The following TRIQK variants were observed in gnomAD, a reference collection of about 807,000 sequenced individuals.
The protein encoded by TRIQK is triple QxxK/R motif containing.
A neutral mutation model predicts 10.8 loss-of-function variants in TRIQK; 10 were observed. The observed-to-expected ratio is 0.92, with a 90% CI of 0.57 to 1.57. The LOEUF is 1.57. Ranked by LOEUF, TRIQK falls within the 40% of genes most tolerant of loss-of-function variation. TRIQK has a pLI of 0.00. For missense variants in TRIQK, 107 were observed against 97.7 expected, an observed-to-expected ratio of 1.09 and a Z score of -0.40; for synonymous variants, 33 against 33.7, an observed-to-expected ratio of 0.98 and a Z score of 0.07.
chr8:92,935,338 A>T (rs1810932489), intron 2 of TRIQK, among the ~76,000 whole-genome samples: 1 of 151,802 alleles, frequency 6.6e-6, no homozygotes, highest in East Asian at 1.9e-4. Flanking sequence ...AATGTTTAGA[A>T]ATTATTGCTA....
chr8:92,973,577 T>C (rs1812898350), intron 1 of TRIQK: 1 of 152,194 alleles, frequency 6.6e-6, no homozygotes, highest in South Asian at 2.1e-4. Context: ...TGCACTGATA[T>C]CATTTCACTA....
chr8:93,011,205 C>CACACATATATAT (rs769949767), intron 1 of TRIQK, among the ~76,000 whole-genome samples: 1 of 121,520 alleles, frequency 8.2e-6, no homozygotes, highest in African/African-American at 2.9e-5. Context: ...CACACACACA[C>CACACATATATAT]ATATATATAT....
chr8:92,977,135 A>AG (rs1449307770), intron 1 of TRIQK, among the ~76,000 whole-genome samples: 2 of 152,020 alleles, frequency 1.3e-5, no homozygotes, highest in African/African-American at 4.8e-5. Flanking sequence ...TTTACTTAAA[A>AG]GACTTTCTTG....
intron 1 of TRIQK, among the ~76,000 whole-genome samples, chr8:92,983,143 T>C (rs1470311780): frequency 1.3e-5 from 2 of 152,042 alleles, no homozygotes; most frequent in African/African-American, 2.4e-5. Flanking sequence ...TTATTTACTC[T>C]AGAAGTGCTG....
At chr8:92,898,874 G>T (rs865988104) in intron 3 of TRIQK, among the ~76,000 whole-genome samples, 1,437 of 76,810 alleles carry the variant, frequency 0.019, 33 homozygotes, top group African/African-American at 0.061. Flanking sequence ...TATATATATA[G>T]ATGGGGGTAC....
chr8:93,013,407 T>C (rs1372683918), intron 1 of TRIQK, among the ~76,000 whole-genome samples: 2 of 152,072 alleles, frequency 1.3e-5, no homozygotes, highest in Non-Finnish European at 2.9e-5. Flanking sequence ...AAGTGACAGA[T>C]CCTGGAACAC....
At chr8:92,949,099 C>T (rs1208404788) in intron 2 of TRIQK, among the ~76,000 whole-genome samples, 3 of 152,206 alleles carry the variant, frequency 2.0e-5, no homozygotes, top group East Asian at 1.9e-4. Context: ...GTCCATAAAT[C>T]TTCCACCACA....
chr8:92,886,979 T>A, intron 4 of TRIQK: 1 of 254,570 alleles, frequency 3.9e-6, no homozygotes, highest in Non-Finnish European at 7.4e-6. Context: ...AGCTAATTTG[T>A]TTTTTCCTTA....
intron 2 of TRIQK, among the ~76,000 whole-genome samples, chr8:92,917,408 A>G (rs1422220043): frequency 6.6e-6 from 1 of 152,062 alleles, no homozygotes; most frequent in African/African-American, 2.4e-5. Flanking sequence ...GTTACATTAA[A>G]AGTAAGGCTA....
intron 1 of TRIQK, among the ~76,000 whole-genome samples, chr8:92,994,927 T>TAA (rs59817503): frequency 1.3e-4 from 20 of 150,928 alleles, no homozygotes; most frequent in Middle Eastern, 6.8e-3. Flanking sequence ...TTCCTTCTCT[T>TAA]AAAAAAAAAC....
intron 4 of TRIQK, among the ~76,000 whole-genome samples, chr8:92,887,140 T>C (rs1458294929): frequency 6.6e-6 from 1 of 151,598 alleles, no homozygotes; most frequent in East Asian, 1.9e-4. Flanking sequence ...ACATTCAGTA[T>C]TAATGATAGC....
At chr8:92,992,732 T>C (rs1813108530) in intron 1 of TRIQK, among the ~76,000 whole-genome samples, 2 of 152,072 alleles carry the variant, frequency 1.3e-5, no homozygotes, top group Admixed American at 6.5e-5. Flanking sequence ...GACTCCTCTG[T>C]GGGGCAGTTG....
chr8:92,987,210 GACTT>G, intron 1 of TRIQK, among the ~76,000 whole-genome samples: 1 of 152,152 alleles, frequency 6.6e-6, no homozygotes. Context: ...ATCAGCCACT[GACTT>G]ACTTAAGTGA....
intron 2 of TRIQK, chr8:92,922,342 T>C (rs1421029968): frequency 1.3e-5 from 2 of 151,918 alleles, no homozygotes. Flanking sequence ...ATCTTAATTG[T>C]GTGTGGCTAG....
At chr8:92,985,249 C>T (rs950123719) in intron 1 of TRIQK, among the ~76,000 whole-genome samples, 8 of 152,052 alleles carry the variant, frequency 5.3e-5, no homozygotes, top group East Asian at 3.9e-4. Context: ...TGCACGCGCA[C>T]GCATGCACAT....
intron 3 of TRIQK, among the ~76,000 whole-genome samples, chr8:92,896,421 C>A (rs761021584): frequency 4.6e-5 from 7 of 152,192 alleles, no homozygotes; most frequent in Non-Finnish European, 1.0e-4. Flanking sequence ...GAAGCCACTG[C>A]AGAGAGCCCT....
intron 1 of TRIQK, among the ~76,000 whole-genome samples, chr8:93,006,168 G>A (rs1238418881): frequency 6.6e-6 from 1 of 152,140 alleles, no homozygotes; most frequent in African/African-American, 2.4e-5. Flanking sequence ...GTGGGGAGGG[G>A]CCAAAATGGG....
chr8:92,935,498 G>C (rs904603501), intron 2 of TRIQK, among the ~76,000 whole-genome samples: 2 of 151,304 alleles, frequency 1.3e-5, no homozygotes, highest in African/African-American at 2.4e-5. Context: ...AAAGTGATAA[G>C]TAAGCACAAA....
intron 3 of TRIQK, among the ~76,000 whole-genome samples, chr8:92,913,510 C>G (rs920177235): frequency 6.6e-6 from 1 of 152,158 alleles, no homozygotes; most frequent in Non-Finnish European, 1.5e-5. Context: ...AACGCTTTTA[C>G]ACTGTTGGTG....
Sources: gnomAD v4.1 joint callset for allele counts (sites outside exome capture counted in the v4.1 genomes callset) on GRCh38, gnomAD v4.1.1 for gene constraint, MANE v1.5 for transcripts, NCBI Gene and HGNC (gene_info 2026-07-23, HGNC 2026-07-21) for gene names.